The following DCHS1 variants were observed in gnomAD, a reference collection of about 807,000 sequenced individuals.
DCHS1 encodes protocadherin-16.
In DCHS1, 78 loss-of-function variants were observed where a neutral mutation model predicts 213.9. The ratio of observed to expected loss-of-function variants is 0.36; its 90% CI spans 0.30 to 0.44. DCHS1 has a LOEUF of 0.44. Ranked by LOEUF, DCHS1 falls within the 20% of genes least tolerant of loss-of-function variation. The pLI, the probability that DCHS1 is intolerant of heterozygous loss-of-function variation, is 1.00. For synonymous variants in DCHS1, 1,828 were observed against 1,873.7 expected (o/e 0.98, Z 0.63); for missense variants, 3,946 against 4,395.9 (o/e 0.90, Z 2.89).
chr11:6,648,054 T>C (rs1800549018), intron 1 of DCHS1, among the ~76,000 whole-genome samples: 1 of 152,192 alleles, frequency 6.6e-6, no homozygotes, highest in African/African-American at 2.4e-5. Context: ...AGTGGTTCCA[T>C]TTGGACACTG....
intron 1 of DCHS1, among the ~76,000 whole-genome samples, chr11:6,646,706 C>T (rs910541010): frequency 6.6e-6 from 1 of 152,218 alleles, no homozygotes; most frequent in Non-Finnish European, 1.5e-5. Flanking sequence ...TGACTCCATC[C>T]TGCTCTCCTC....
chr11:6,632,016 G>A lies in DCHS1; in HGVS notation c.3481+15C>T. 1.3e-6 allele frequency: 2 copies of A among 1,498,578 alleles called. No individual in the cohort carries two copies. The highest frequency in any genetic ancestry group is 8.9e-7 in the Non-Finnish European group (1 of 1,127,848). 92.8% of individuals were successfully genotyped at this position (1,498,578 alleles called of 1,614,324 possible). On this transcript the variant is annotated intron_variant, in intron 6 of 20. Coordinates refer to ENST00000299441, the MANE Select transcript of DCHS1 (RefSeq NM_003737.4). This position sits in a 1 kb window ranked among gnomAD's most constrained non-coding sequence, Gnocchi z 5.9. ...TAAGGCTATGCGGTCTCAGGATTTG[G>A]GTCTCTGTGCTCACCAGTCTGGGGG...
In DCHS1 at chr11:6,632,724, T is replaced by C. The variant is rs1396409787; in HGVS notation, c.2788A>G (p.Thr930Ala). The C allele has an allele frequency of 6.2e-7, 1 of 1,604,504 alleles. No individual in the cohort carries two copies. Among genetic ancestry groups the C allele is most frequent in the South Asian group, 1.1e-5 (1 of 89,346 alleles). The change falls in exon 6 of 21, where the codon ACC becomes GCC. Residue 930 changes from threonine (T) to alanine (A), a missense_variant. Transcript: ENST00000299441. The surrounding 1 kb of genome is among the most constrained non-coding windows in gnomAD (Gnocchi z 5.9). ...DPDSGVNSRV[T>A]FTLLAGGGGA... ...CCACCCCCAGCAAGCAGGGTAAAGG[T>C]GACTCGACTGTTAACACCTGAGTCG...
chr11:6,628,660 C>G lies in DCHS1; in HGVS notation c.5332G>C (p.Asp1778His). ...TLTMLRASDPDVGANGQLQYR... is the reference protein window; with the variant it reads ...TLTMLRASDPHVGANGQLQYR... ...TGCAACTGCCCATTGGCTCCCACAT[C>G]TGGATCAGAGGCCCGAAGCATGGTA... Residue 1778 changes from aspartate to histidine, a missense_variant, in exon 13 of 21, where the codon GAT (aspartate) becomes CAT (histidine). Physicochemically the swap from Asp to His is moderately conservative, Grantham distance 81. Transcript: ENST00000299441. The surrounding 1 kb of genome is among the most constrained non-coding windows in gnomAD (Gnocchi z 4.3). The G allele has an allele frequency of 6.2e-7, 1 of 1,614,032 alleles. No homozygotes were observed. The highest frequency in any genetic ancestry group is 8.5e-7 in the Non-Finnish European group (1 of 1,179,892).
chr11:6,630,393 G>T lies in DCHS1; in HGVS notation c.4401C>A (p.Gly1467=). 1 of 1,410,838 alleles carries T rather than the reference G, an allele frequency of 7.1e-7. No homozygotes were observed. The highest frequency in any genetic ancestry group is 9.2e-7 in the Non-Finnish European group (1 of 1,087,064). The allele number at this position is 1,410,838 out of a possible 1,614,324, so 87.4% of individuals were successfully genotyped here. A position where few individuals can be genotyped will look rare whatever the true frequency, so the allele number is the denominator to read the frequency against. The change falls in exon 10 of 21, where the codon GGC becomes GGA. Residue 1467 remains glycine (G), a synonymous_variant. Coordinates refer to ENST00000299441, the MANE Select transcript of DCHS1 (RefSeq NM_003737.4). The part of the protein sequence containing the change: ...TFRASDADGP[G]PNSDVRYRLL... ...GGCGGTAGCGCACGTCGCTATTGGG[G>T]CCGGGGCCGTCGGCGTCCGACGCGC... is the stretch of plus-strand genomic sequence containing the variant.
In DCHS1 at chr11:6,627,096, C is replaced by T. The variant is rs1210304122; in HGVS notation, c.5943G>A (p.Leu1981=). Residue 1981 remains leucine, a synonymous_variant, in exon 14 of 21, where the codon CTG becomes CTA. Transcript: ENST00000299441. The surrounding 1 kb of genome is among the most constrained non-coding windows in gnomAD (Gnocchi z 5.4). ...CTTCAGCTCTCAGTGTGGCCAGAGC[C>T]AGGGTTGGGGTACTGAAGCTGGGGC... ...RPGPSFSTPT[L]ALATLRAEDR... The T allele has an allele frequency of 3.1e-6, 5 of 1,613,140 alleles. No individual in the cohort carries two copies. In the African/African-American group the frequency reaches 6.7e-5, roughly 22 times the overall value.
At position 6,621,943 on chromosome 11, in the gene DCHS1, G is replaced by A; in HGVS notation, c.9733C>T (p.Leu3245=). 6.2e-7 allele frequency: 1 copy of A among 1,613,472 alleles called. No homozygotes were observed. Among genetic ancestry groups the A allele is most frequent in the Non-Finnish European group, 8.5e-7 (1 of 1,179,758 alleles). ...HRSPISHEGS[L]SSAAMSPSFS... ...CTGGGGGACATGGCAGCTGAGGACA[G>A]GGAGCCTTCATGGCTGATGGGGGAG... The change falls in exon 21 of 21, where the codon CTG becomes TTG. Residue 3245 remains leucine (L), a synonymous_variant. Coordinates refer to ENST00000299441, the MANE Select transcript of DCHS1 (RefSeq NM_003737.4).
chr11:6,639,188 T>G (rs374851198), intron 2 of DCHS1, among the ~76,000 whole-genome samples: 1 of 152,200 alleles, frequency 6.6e-6, no homozygotes, highest in Admixed American at 6.5e-5. Context: ...CAAGGACTTC[T>G]GCAACCTGGC....
rs1855815048 is a variant in DCHS1, at chr11:6,626,931, G to A, written c.6108C>T (p.Leu2036=). 1 of 1,613,740 alleles carries A rather than the reference G, an allele frequency of 6.2e-7. No individual in the cohort carries two copies. Among genetic ancestry groups the A allele is most frequent in the East Asian group, 2.2e-5 (1 of 44,878 alleles). Residue 2036 remains leucine, a synonymous_variant, in exon 14 of 21, where the codon CTC becomes CTT. Transcript: ENST00000299441. This position sits in a 1 kb window ranked among gnomAD's most constrained non-coding sequence, Gnocchi z 5.2. Reference sequence around the variant, plus strand: ...GGCCAAGATCAGTGGCCACAATGAAGAGGACACGATCTCGGGGGCCTAGAG... The same window carrying A: ...GGCCAAGATCAGTGGCCACAATGAAAAGGACACGATCTCGGGGGCCTAGAG... ...PVALGPRDRV[L]FIVATDLGRP...
rs1855909723 is a variant in DCHS1, at chr11:6,631,675, C to T, written c.3616G>A (p.Asp1206Asn). The T allele has an allele frequency of 1.2e-6, 2 of 1,608,052 alleles. No homozygotes were observed. The highest frequency in any genetic ancestry group is 1.7e-6 in the Non-Finnish European group (2 of 1,177,010). Residue 1206 changes from aspartate (D) to asparagine (N), a missense_variant, in exon 7 of 21, where the codon GAC becomes AAC. Coordinates refer to ENST00000299441, the MANE Select transcript of DCHS1 (RefSeq NM_003737.4). ...TVHVAVLDLN[D>N]NSPTFLQASG... ...GCCTGCAGGAACGTGGGGCTGTTGT[C>T]GTTGAGGTCAAGCACTGCAACATGC...
At chr11:6,652,539 G>T (rs938503512) in intron 1 of DCHS1, among the ~76,000 whole-genome samples, 6 of 152,202 alleles carry the variant, frequency 3.9e-5, no homozygotes, top group Non-Finnish European at 5.9e-5. Context: ...TGGGAGAAAG[G>T]AAGGAACTGG....
In DCHS1 at chr11:6,640,543, G is replaced by A. The variant is rs377714578; in HGVS notation, c.1071C>T (p.Asp357=). 2 of 1,610,594 alleles carry A rather than the reference G, an allele frequency of 1.2e-6. No homozygotes were observed. Among genetic ancestry groups the A allele is most frequent in the South Asian group, 2.2e-5 (2 of 91,084 alleles). ...AGATGACAGTCATGGAGGGCTGATTGTCATTGGCATCTCGCACATGCACAG... is the reference window on the plus strand; with the variant it reads ...AGATGACAGTCATGGAGGGCTGATTATCATTGGCATCTCGCACATGCACAG... ...FVTVHVRDAN[D]NQPSMTVIFL... is the part of the protein sequence containing the mutation. Residue 357 remains aspartate, a synonymous_variant, in exon 2 of 21, where the codon GAC becomes GAT. Transcript: ENST00000299441. The surrounding 1 kb of genome is among the most constrained non-coding windows in gnomAD (Gnocchi z 6.5).
Position 6,623,393 on chromosome 11 carries a change from G to A in DCHS1, c.8283C>T (p.Asn2761=), listed in dbSNP as rs1282916360. 13 of 1,597,288 alleles carry A rather than the reference G, an allele frequency of 8.1e-6. No homozygotes were observed. Among genetic ancestry groups the A allele is most frequent in the Non-Finnish European group, 1.0e-5 (12 of 1,171,952 alleles). Residue 2761 remains asparagine (N), a synonymous_variant, in exon 21 of 21, where the codon AAC becomes AAT. Transcript: ENST00000299441. The part of the protein sequence containing the change: ...GPEGREAFAL[N]SSTGELRARV... The stretch of plus-strand genomic sequence containing the variant: ...GCGCACGCAACTCCCCTGTTGAGCT[G>A]TTCAGTGCAAATGCCTCACGGCCCT...
chr11:6,631,690 C>T lies in DCHS1; in HGVS notation c.3601G>A (p.Val1201Met), dbSNP rs771943385. The T allele has an allele frequency of 2.6e-5, 42 of 1,610,298 alleles. 1 individual carries two copies. The South Asian group carries it at 4.5e-4, about 17-fold the overall frequency. Residue 1201 changes from valine to methionine, a missense_variant, in exon 7 of 21, where the codon GTG (valine) becomes ATG (methionine). Around this residue, in one of 3 missense-constraint regions of DCHS1, gnomAD observed 3,384 missense variants for 3,780.1 expected, o/e 0.90. Transcript: ENST00000299441. ...RSTTGTVHVA[V>M]LDLNDNSPTF... ...GGGCTGTTGTCGTTGAGGTCAAGCA[C>T]TGCAACATGCACAGTGCCTGTGGTG...
rs779739540 is a variant in DCHS1, at chr11:6,624,787, G to A, written c.7228C>T (p.His2410Tyr). 1.2e-6 allele frequency: 2 copies of A among 1,613,904 alleles called. No individual in the cohort carries two copies. Among genetic ancestry groups the A allele is most frequent in the South Asian group, 2.2e-5 (2 of 91,058 alleles). ...ATDRDSGANG[H>Y]ISYHLASPAD... Reference sequence around the variant, plus strand: ...GGGGAAGCCAGGTGGTAGGAAATGTGACCGTTGGCACCTGAGTCCCGATCA... The same window carrying A: ...GGGGAAGCCAGGTGGTAGGAAATGTAACCGTTGGCACCTGAGTCCCGATCA... Residue 2410 changes from histidine (H) to tyrosine (Y), a missense_variant, in exon 20 of 21, where the codon CAC (histidine) becomes TAC (tyrosine). Coordinates refer to ENST00000299441, the MANE Select transcript of DCHS1 (RefSeq NM_003737.4).
In DCHS1 at chr11:6,626,906, G is replaced by A. The variant is rs147594191; in HGVS notation, c.6133C>T (p.Arg2045Cys). The change falls in exon 14 of 21, where the codon CGT (arginine) becomes TGT (cysteine). Residue 2045 changes from arginine to cysteine, a missense_variant. By Grantham distance (180) the Arg-to-Cys change is radical (BLOSUM62 -3). This residue lies in a region of DCHS1 where 3,384 missense variants were observed against 3,780.1 expected (regional missense o/e 0.90). Coordinates refer to ENST00000299441, the MANE Select transcript of DCHS1 (RefSeq NM_003737.4). This position sits in a 1 kb window ranked among gnomAD's most constrained non-coding sequence, Gnocchi z 5.2. The stretch of plus-strand genomic sequence containing the variant: ...ACACCAGTGGCAGAGCGAGCTGGAC[G>A]GCCAAGATCAGTGGCCACAATGAAG... ...VLFIVATDLG[R>C]PARSATGVII... 638 of 1,613,582 alleles carry A rather than the reference G, an allele frequency of 4.0e-4. No individual in the cohort carries two copies. Among genetic ancestry groups the A allele is most frequent in the Middle Eastern group, 3.5e-3 (21 of 6,062 alleles).
chr11:6,642,838 G>A (rs753798917), intron 1 of DCHS1, among the ~76,000 whole-genome samples: 7 of 152,310 alleles, frequency 4.6e-5, no homozygotes, highest in East Asian at 3.9e-4. Context: ...CAAAGATCAC[G>A]CAGATTGGAC....
rs114055173 is a variant in DCHS1, at chr11:6,647,218, C to G, written c.-120-5485G>C. ...AGAAGAGGTTCTGGTAGGGGGATGA[C>G]AGGGAACAAGACTGAGGGAGAGTGA... is the stretch of plus-strand genomic sequence containing the variant. On this transcript the variant is annotated intron_variant, in intron 1 of 20. Transcript: ENST00000299441. Among the ~76,000 whole-genome samples the G allele has an allele frequency of 8.5e-3, 1,289 of 152,232 alleles. 18 individuals are homozygous for G. Among genetic ancestry groups the G allele is most frequent in the African/African-American group, 0.029 (1,197 of 41,514 alleles).
In DCHS1 at chr11:6,623,998, G is replaced by A; in HGVS notation, c.7678C>T (p.Leu2560=). 1 of 1,612,650 alleles carries A rather than the reference G, an allele frequency of 6.2e-7. No homozygotes were observed. The highest frequency in any genetic ancestry group is 8.5e-7 in the Non-Finnish European group (1 of 1,178,992). The change falls in exon 21 of 21, where the codon CTA becomes TTA. Residue 2560 remains leucine (L), a synonymous_variant. Coordinates refer to ENST00000299441, the MANE Select transcript of DCHS1 (RefSeq NM_003737.4). ...TACTGTGTCAGGCTTTCAAAGTCTA[G>A]AGGTTCAAGCAACACCAGGCAGCCC... ...ALGCLVLLEP[L]DFESLTQYNL...
Sources: gnomAD v4.1 joint callset for allele counts (sites outside exome capture counted in the v4.1 genomes callset) on GRCh38, gnomAD v4.1.1 for gene constraint, gnomAD v4.1.1 regional missense constraint, Gnocchi (gnomAD v3.1) non-coding constraint, MANE v1.5 for transcripts, NCBI Gene and HGNC (gene_info 2026-07-23, HGNC 2026-07-21) for gene names.